Variants in QKI observed in about 807,000 individuals in gnomAD.
The protein encoded by QKI is QKI, KH domain containing RNA binding.
In QKI, 10 loss-of-function variants were observed where a neutral mutation model predicts 39.0. That is an observed-to-expected ratio of 0.26 (90% CI 0.16 to 0.43). The LOEUF is 0.43. QKI is among the 20% of genes least tolerant of loss of function. The probability of loss-of-function intolerance (pLI) is 1.00; values close to 1 mark genes in which losing one functional copy is unlikely to be tolerated. For missense variants in QKI, 218 were observed against 428.0 expected (o/e 0.51, Z 4.33); for synonymous variants, 204 against 155.4 (o/e 1.31, Z -2.33).
intron 1 of QKI, among the ~76,000 whole-genome samples, chr6:163,442,331 T>C (rs1789823507): frequency 6.6e-6 from 1 of 152,228 alleles, no homozygotes; most frequent in Non-Finnish European, 1.5e-5. Context: ...TTTTAATTTC[T>C]AGCGTGGTAA....
intron 4 of QKI, 67 bp downstream of exon 4, chr6:163,535,192 C>A: frequency 2.1e-6 from 3 of 1,437,112 alleles, no homozygotes; most frequent in South Asian, 1.6e-5. Context: ...TTTAAATTAT[C>A]GTAATGTTTA....
At chr6:163,511,548 C>T (rs568440073) in intron 3 of QKI, among the ~76,000 whole-genome samples, 11 of 151,490 alleles carry the variant, frequency 7.3e-5, no homozygotes, top group Non-Finnish European at 1.6e-4. Flanking sequence ...ATTAAAAGGC[C>T]TTTTAAGAGA....
At chr6:163,486,900 A>G (rs1012810480) in intron 3 of QKI, among the ~76,000 whole-genome samples, 1 of 152,250 alleles carries the variant, frequency 6.6e-6, no homozygotes, top group African/African-American at 2.4e-5. Flanking sequence ...ATAGGAAAGT[A>G]CACTTAAAGG....
intron 3 of QKI, among the ~76,000 whole-genome samples, chr6:163,526,251 G>A (rs1169969020): frequency 1.3e-5 from 2 of 152,126 alleles, no homozygotes; most frequent in Non-Finnish European, 2.9e-5. Flanking sequence ...AAGGAAAATG[G>A]GTATAAGGTA....
chr6:163,469,647 G>A (rs1003023982), intron 2 of QKI, among the ~76,000 whole-genome samples: 1 of 152,166 alleles, frequency 6.6e-6, no homozygotes, highest in African/African-American at 2.4e-5. Flanking sequence ...ATGAAAGGCT[G>A]TTCTCTGTTT....
At chr6:163,543,309 G>A (rs1276477318) in intron 4 of QKI, among the ~76,000 whole-genome samples, 1 of 151,970 alleles carries the variant, frequency 6.6e-6, no homozygotes, top group Non-Finnish European at 1.5e-5. Flanking sequence ...TATATTAAAA[G>A]ACATCTAGAG....
chr6:163,472,743 A>G (rs1792295523), intron 2 of QKI, among the ~76,000 whole-genome samples: 1 of 152,206 alleles, frequency 6.6e-6, no homozygotes, highest in Non-Finnish European at 1.5e-5. Flanking sequence ...ATATGTTGAA[A>G]TGAGCATAAT....
rs1317523667 is a variant in QKI, at chr6:163,563,418, A to G, written c.635-2A>G. ...CTTTCTAAATTTCTTTGCTTACTGT[A>G]GCAGCCCTTGCCTTTTCTCTTGCAG... On this transcript the variant is annotated splice_acceptor_variant, in intron 5 of 7. Transcript: ENST00000361752. LOFTEE classifies it high-confidence loss of function. 6.3e-7 allele frequency: 1 copy of G among 1,597,750 alleles called. No homozygotes were observed. Among genetic ancestry groups the G allele is most frequent in the Admixed American group, 1.7e-5 (1 of 58,134 alleles).
At chr6:163,463,344 A>G (rs1486794610) in intron 2 of QKI, among the ~76,000 whole-genome samples, 1 of 152,190 alleles carries the variant, frequency 6.6e-6, no homozygotes, top group Non-Finnish European at 1.5e-5. Flanking sequence ...AGTGGTAAGC[A>G]CTGTGCAGTG....
chr6:163,455,541 TG>T, intron 2 of QKI, 120 bp downstream of exon 2: 2 of 992,542 alleles, frequency 2.0e-6, no homozygotes, highest in African/African-American at 3.3e-5. Context: ...AGTCATCAAC[TG>T]AAGTGTGAAT....
At position 163,481,251 on chromosome 6, in the gene QKI, A is replaced by G. The variant is rs6937623; in HGVS notation, c.402+2355A>G. ...TATAGACATGTGTGTATATATATAT[A>G]TGTGTGTGCGTATATATATAATGTG... On this transcript the variant is annotated intron_variant, in intron 3 of 7. Coordinates refer to ENST00000361752, the MANE Select transcript of QKI (RefSeq NM_006775.3). 4.3e-3 allele frequency among the ~76,000 whole-genome samples: 660 copies of G among 152,286 alleles called. 7 individuals carry two copies. The highest frequency in any genetic ancestry group is 0.011 in the African/African-American group (477 of 41,552).
chr6:163,445,340 G>C (rs1179252936), intron 1 of QKI, among the ~76,000 whole-genome samples: 2 of 151,992 alleles, frequency 1.3e-5, no homozygotes, highest in African/African-American at 4.8e-5. Flanking sequence ...TGGTTTTTCT[G>C]GTCCAGGTTT....
At position 163,458,264 on chromosome 6, in the gene QKI, G is replaced by A. The variant is rs2759394; in HGVS notation, c.285+2843G>A. 5.2e-3 allele frequency among the ~76,000 whole-genome samples: 798 copies of A among 152,282 alleles called. 11 individuals carry two copies. Among genetic ancestry groups the A allele is most frequent in the Middle Eastern group, 0.014 (4 of 292 alleles). ...TTAAGCAAATTACTTTTCATTCCTG[G>A]TGTTCGCTTTTCTCATTTCTGTAAT... On this transcript the variant is annotated intron_variant, in intron 2 of 7. Coordinates refer to ENST00000361752, the MANE Select transcript of QKI (RefSeq NM_006775.3).
At chr6:163,458,681 T>C (rs1235233956) in intron 2 of QKI, among the ~76,000 whole-genome samples, 3 of 152,154 alleles carry the variant, frequency 2.0e-5, no homozygotes, top group Non-Finnish European at 4.4e-5. Context: ...AATGAAGTAG[T>C]GCTATAGTCT....
At chr6:163,567,733 A>T in intron 7 of QKI, 1 of 983,764 alleles carries the variant, frequency 1.0e-6, no homozygotes, top group Non-Finnish European at 1.2e-6. Context: ...GTAAAAAAGG[A>T]TTTTTTACAA....
At chr6:163,502,931 T>A (rs1002195986) in intron 3 of QKI, among the ~76,000 whole-genome samples, 17 of 152,142 alleles carry the variant, frequency 1.1e-4, no homozygotes, top group African/African-American at 4.1e-4. Context: ...CAAATTCTTT[T>A]CCACAGTGGC....
chr6:163,447,665 A>T (rs1046242146), intron 1 of QKI, among the ~76,000 whole-genome samples: 8 of 152,042 alleles, frequency 5.3e-5, no homozygotes, highest in African/African-American at 1.9e-4. Context: ...TTTTGAGGGG[A>T]CAGTAAAAAG....
At chr6:163,501,481 TG>T (rs1486166705) in intron 3 of QKI, among the ~76,000 whole-genome samples, 1 of 152,198 alleles carries the variant, frequency 6.6e-6, no homozygotes, top group Non-Finnish European at 1.5e-5. Flanking sequence ...TGTAGCTACT[TG>T]AAACTCTAAA....
chr6:163,488,969 ATTTCTTT>A (rs1777864946), intron 3 of QKI, among the ~76,000 whole-genome samples: 1 of 86,420 alleles, frequency 1.2e-5, no homozygotes. Flanking sequence ...TTATCCTTCC[ATTTCTTT>A]TTTTTTTTTT....
Sources: allele counts gnomAD v4.1 joint callset (sites outside exome capture counted in the v4.1 genomes callset), GRCh38; gene constraint gnomAD v4.1.1; transcripts MANE v1.5; gene names NCBI Gene and HGNC (gene_info 2026-07-23, HGNC 2026-07-21).